VPS35L: variants seen among roughly 807,000 people sequenced by gnomAD.
The protein encoded by VPS35L is VPS35 endosomal protein sorting factor like, also known as VPS35 endosomal protein-sorting factor-like.
VPS35L carries 83 observed loss-of-function variants against 133.0 expected under a neutral mutation model. The observed-to-expected ratio is 0.62, with a 90% CI of 0.52 to 0.75. VPS35L has a LOEUF of 0.75. VPS35L is among the 30% of genes least tolerant of loss of function. VPS35L has a pLI of 0.00. For missense variants in VPS35L, 1,083 were observed against 1,206.8 expected, an observed-to-expected ratio of 0.90 and a Z score of 1.52; for synonymous variants, 423 against 449.9, an observed-to-expected ratio of 0.94 and a Z score of 0.76.
chr16:19,573,426 C>A, intron 4 of VPS35L, 185 bp downstream of exon 4: 2 of 590,170 alleles, frequency 3.4e-6, no homozygotes, highest in Non-Finnish European at 2.7e-6. Context: ...AATGTGCTGA[C>A]AGGTTTCCCA....
Position 19,700,682 on chromosome 16 carries a change from A to T in VPS35L, c.*206A>T. On this transcript the variant is annotated 3_prime_UTR_variant, in exon 31 of 31. Coordinates refer to ENST00000417362, the MANE Select transcript of VPS35L (RefSeq NM_020314.7). ...GTCAGAGCATTAAAATGCAATCTTC[A>T]CTAAGAAGCAGTCTCTGTGTTGTCT... 3.6e-6 allele frequency: 2 copies of T among 551,878 alleles called. No homozygotes were observed. Among genetic ancestry groups the T allele is most frequent in the Non-Finnish European group, 6.4e-6 (2 of 310,550 alleles). The allele number at this position is 551,878 out of a possible 1,614,324, so 34.2% of individuals were successfully genotyped here. A position where few individuals can be genotyped will look rare whatever the true frequency, so the allele number is the denominator to read the frequency against.
intron 8 of VPS35L, among the ~76,000 whole-genome samples, chr16:19,597,232 T>A (rs1428947528): frequency 2.6e-5 from 4 of 151,646 alleles, no homozygotes; most frequent in Admixed American, 1.3e-4. Flanking sequence ...ATAGCTAGGT[T>A]TGGTGGTACA....
intron 7 of VPS35L, among the ~76,000 whole-genome samples, chr16:19,590,065 A>G (rs1971991423): frequency 6.6e-6 from 1 of 150,882 alleles, no homozygotes; most frequent in Admixed American, 6.7e-5. Flanking sequence ...GTGTCAGGAA[A>G]TGGAATTCCA....
intron 7 of VPS35L, among the ~76,000 whole-genome samples, chr16:19,584,016 C>T (rs994923061): frequency 2.6e-5 from 4 of 152,066 alleles, no homozygotes; most frequent in African/African-American, 7.2e-5. Flanking sequence ...CAGGGTCATT[C>T]GTGTTGCTGT....
At chr16:19,597,385 A>G (rs868496829) in intron 8 of VPS35L, among the ~76,000 whole-genome samples, 2 of 147,950 alleles carry the variant, frequency 1.4e-5, no homozygotes, top group African/African-American at 5.1e-5. Context: ...AAAAAAAAAA[A>G]GAAAGGAGGA....
intron 18 of VPS35L, among the ~76,000 whole-genome samples, chr16:19,630,364 C>T (rs996728214): frequency 1.5e-5 from 2 of 131,044 alleles, no homozygotes; most frequent in Admixed American, 8.7e-5. Context: ...GATGGAGTCT[C>T]GCTCTGTCGC....
At chr16:19,632,257 C>G (rs1281172957) in intron 18 of VPS35L, among the ~76,000 whole-genome samples, 1 of 152,214 alleles carries the variant, frequency 6.6e-6, no homozygotes, top group Non-Finnish European at 1.5e-5. Context: ...GCCACTGCAC[C>G]CAGCCGAGTT....
rs759929363 is a variant in VPS35L at position 19,650,484 on chromosome 16, T to G, written c.2106+25T>G. On this transcript the variant is annotated intron_variant, in intron 25 of 30. Coordinates refer to ENST00000417362, the MANE Select transcript of VPS35L (RefSeq NM_020314.7). ...GGTATGTTCTTAAGATAAGGACTGT[T>G]GGACCTCGAACTCCAGTGGGCTGTT... 1.9e-6 allele frequency: 3 copies of G among 1,583,908 alleles called. No individual in the cohort carries two copies. The African/African-American group carries it at 4.0e-5, about 21-fold the overall frequency.
intron 21 of VPS35L, among the ~76,000 whole-genome samples, chr16:19,640,696 G>A (rs886166658): frequency 1.4e-4 from 22 of 152,142 alleles, no homozygotes; most frequent in Admixed American, 1.0e-3. Context: ...AAAACTGCCC[G>A]ACTGCTAGTG....
chr16:19,653,190 T>C (rs1974189067), intron 26 of VPS35L, among the ~76,000 whole-genome samples: 1 of 152,154 alleles, frequency 6.6e-6, no homozygotes, highest in Non-Finnish European at 1.5e-5. Flanking sequence ...TGCTCCACAC[T>C]TGAGCCAAGA....
At chr16:19,690,960 TC>T (rs1327165804) in intron 28 of VPS35L, among the ~76,000 whole-genome samples, 10 of 132,106 alleles carry the variant, frequency 7.6e-5, no homozygotes, top group African/African-American at 2.7e-4. Context: ...AGACTCCGTC[TC>T]AAAAAAAAAA....
intron 26 of VPS35L, among the ~76,000 whole-genome samples, chr16:19,657,435 G>A (rs1473674389): frequency 6.6e-6 from 1 of 152,140 alleles, no homozygotes; most frequent in Non-Finnish European, 1.5e-5. Flanking sequence ...CATTTCTGCA[G>A]ATAAACAGAA....
At chr16:19,631,264 CA>C (rs1973448008) in intron 18 of VPS35L, among the ~76,000 whole-genome samples, 2 of 152,116 alleles carry the variant, frequency 1.3e-5, no homozygotes, top group Admixed American at 1.3e-4. Context: ...GTGCACGTAT[CA>C]TAAGTTTGCT....
At chr16:19,600,337 A>T (rs1017640342) in intron 8 of VPS35L, among the ~76,000 whole-genome samples, 2 of 152,100 alleles carry the variant, frequency 1.3e-5, no homozygotes, top group African/African-American at 4.8e-5. Context: ...ATGAATAAGG[A>T]CTCTAATTTT....
intron 8 of VPS35L, among the ~76,000 whole-genome samples, chr16:19,599,960 G>C (rs1206342116): frequency 1.3e-5 from 2 of 152,182 alleles, no homozygotes; most frequent in East Asian, 3.8e-4. Flanking sequence ...AGGATTGCTT[G>C]AACCCAGGAG....
At chr16:19,655,656 TAC>T (rs1305488870) in intron 26 of VPS35L, among the ~76,000 whole-genome samples, 6 of 152,066 alleles carry the variant, frequency 3.9e-5, no homozygotes, top group African/African-American at 1.2e-4. Context: ...TGTTCCTTTG[TAC>T]ACACCGGTGC....
chr16:19,579,299 G>A (rs1435368445), intron 6 of VPS35L, 171 bp downstream of exon 6: 11 of 593,452 alleles, frequency 1.9e-5, no homozygotes, highest in South Asian at 4.7e-5. Context: ...GCAGTTGGCC[G>A]AGCTCACGGA....
intron 2 of VPS35L, 110 bp downstream of exon 2, chr16:19,565,060 A>AT (rs35102175): frequency 0.061 from 33,567 of 553,224 alleles, 2 homozygotes; most frequent in South Asian, 0.097. Context: ...TGCATATTTG[A>AT]TTTTTTTTTT....
At chr16:19,608,124 C>A in intron 9 of VPS35L, 54 bp from the exon 10 acceptor site, 1 of 1,359,766 alleles carries the variant, frequency 7.4e-7, no homozygotes. Flanking sequence ...TCCAGGGACT[C>A]ACACAGATCC....
Sources: gnomAD v4.1 joint callset for allele counts (sites outside exome capture counted in the v4.1 genomes callset) on GRCh38, gnomAD v4.1.1 for gene constraint, MANE v1.5 for transcripts, NCBI Gene and HGNC (gene_info 2026-07-23, HGNC 2026-07-21) for gene names.